Variants in FLNA observed in about 807,000 individuals in gnomAD.
The protein encoded by FLNA is filamin A.
In FLNA, 7 loss-of-function variants were observed where a neutral mutation model predicts 157.6. The observed-to-expected ratio is 0.04, with a 90% confidence interval of 0.03 to 0.08. FLNA has a LOEUF of 0.08. Ranked by LOEUF, FLNA falls within the 10% of genes least tolerant of loss-of-function variation. FLNA has a pLI of 1.00. For missense variants in FLNA, 1,750 were observed against 2,398.4 expected (o/e 0.73, Z 5.65); for synonymous variants, 1,103 against 1,060.8 (o/e 1.04, Z -0.77).
At chrX:154,356,974 G>A (rs1329092064) in intron 30 of FLNA, among the ~76,000 whole-genome samples, 2 of 111,827 alleles carry the variant, frequency 1.8e-5, no homozygotes, top group Non-Finnish European at 3.8e-5. Flanking sequence ...GTGCCTCTCA[G>A]GATGCACCTC....
chrX:154,365,474 C>T lies in FLNA; in HGVS notation c.1442G>A (p.Ser481Asn), dbSNP rs782324154. 1 of 1,210,143 alleles carries T rather than the reference C, an allele frequency of 8.3e-7. No homozygotes were observed. Among genetic ancestry groups the T allele is most frequent in the Non-Finnish European group, 1.1e-6 (1 of 895,178 alleles). The change falls in exon 10 of 48, where the codon AGT becomes AAT. Residue 481 changes from serine to asparagine, a missense_variant. Physicochemically the swap from Ser to Asn is conservative, Grantham distance 46. This residue lies in a region of FLNA where 648 missense variants were observed against 805.8 expected (regional missense o/e 0.80). Coordinates refer to ENST00000369850, the MANE Select transcript of FLNA (RefSeq NM_001110556.2). The stretch of plus-strand genomic sequence containing the variant: ...GCCCCGGCCAACCGCCCGGCAGGCA[C>T]TCGGGTTACAGGCTGCAGGCAGAGG... ...TVTVGQACNP[S>N]ACRAVGRGLQ...
chrX:154,366,085 C>T lies in FLNA; in HGVS notation c.1368G>A (p.Val456=), dbSNP rs1557179151. 2.5e-6 allele frequency: 3 copies of T among 1,210,554 alleles called. No homozygotes were observed. The highest frequency in any genetic ancestry group is 3.5e-5 in the South Asian group (2 of 57,052). Reference sequence around the variant, plus strand: ...TGGGCACGCCGGCAAACGTGACGTGCACGGTGTGGACGCCCTCCATGGTGG... The same window carrying T: ...TGGGCACGCCGGCAAACGTGACGTGTACGGTGTGGACGCCCTCCATGGTGG... The part of the protein sequence containing the change: ...YQPTMEGVHT[V]HVTFAGVPIP... Residue 456 remains valine (V), a synonymous_variant, in exon 9 of 48, where the codon GTG becomes GTA. Transcript: ENST00000369850.
At chrX:154,355,538 C>T (rs2067656314) in intron 30 of FLNA, among the ~76,000 whole-genome samples, 1 of 113,467 alleles carries the variant, frequency 8.8e-6, no homozygotes, top group Non-Finnish European at 1.9e-5. Context: ...TGACACTTGC[C>T]TCCCCACCCC....
Position 154,366,294 on chromosome X carries a change from CA to C in FLNA, c.1228+13del. On this transcript the variant is annotated intron_variant, in intron 8 of 47. Coordinates refer to ENST00000369850, the MANE Select transcript of FLNA (RefSeq NM_001110556.2). The stretch of plus-strand genomic sequence containing the variant: ...TCCCCACAGACCAGCTGGGCCTTGG[CA>C]GCCTCCCCTCACCTGCCGTAAAGAT... The C allele has an allele frequency of 8.3e-7, 1 of 1,211,559 alleles. No individual in the cohort carries two copies. Among genetic ancestry groups the C allele is most frequent in the Non-Finnish European group, 1.1e-6 (1 of 895,384 alleles).
chrX:154,361,048 A>AAAAAAAAAAAAAAAAAAAAAAAAAAAAAG (rs2067703319), intron 21 of FLNA, among the ~76,000 whole-genome samples: 1 of 30,376 alleles, frequency 3.3e-5, no homozygotes, highest in African/African-American at 1.8e-4. Flanking sequence ...CTCTTTCTCA[A>AAAAAAAAAAAAAAAAAAAAAAAAAAAAAG]AAAAAAAAAA....
chrX:154,362,019 T>C lies in FLNA; in HGVS notation c.2786A>G (p.His929Arg). The C allele has an allele frequency of 8.3e-7, 1 of 1,210,845 alleles. No homozygotes were observed. Among genetic ancestry groups the C allele is most frequent in the Non-Finnish European group, 1.1e-6 (1 of 895,031 alleles). Reference protein sequence around the residue: ...AVRDVDIIDHHDNTYTVKYTP... With the variant: ...AVRDVDIIDHRDNTYTVKYTP... ...GTACTTGACTGTGTAGGTGTTGTCA[T>C]GGTGGTCGATGATGTCCACATCTCG... The change falls in exon 19 of 48, where the codon CAT becomes CGT. Residue 929 changes from histidine to arginine, a missense_variant. By Grantham distance (29) the His-to-Arg change is conservative. This residue lies in a region of FLNA where 648 missense variants were observed against 805.8 expected (regional missense o/e 0.80). Coordinates refer to ENST00000369850, the MANE Select transcript of FLNA (RefSeq NM_001110556.2).
chrX:154,364,890 C>T lies in FLNA; in HGVS notation c.1759G>A (p.Glu587Lys), dbSNP rs1447594194. 8.3e-7 allele frequency: 1 copy of T among 1,210,153 alleles called. No homozygotes were observed. The highest frequency in any genetic ancestry group is 1.1e-6 in the Non-Finnish European group (1 of 895,251). ...GCTGACTTGCCAACGACGCCGCCCTCCAGCCCAGGGCCCCAGGCCCGTACC... is the reference window on the plus strand; with the variant it reads ...GCTGACTTGCCAACGACGCCGCCCTTCAGCCCAGGGCCCCAGGCCCGTACC... ...QKVRAWGPGL[E>K]GGVVGKSADF... is the part of the protein sequence containing the mutation. Residue 587 changes from glutamate (E) to lysine (K), a missense_variant, in exon 12 of 48, where the codon GAG (glutamate) becomes AAG (lysine). Coordinates refer to ENST00000369850, the MANE Select transcript of FLNA (RefSeq NM_001110556.2).
rs727503930 is a variant in FLNA at position 154,350,192 on chromosome X, C to T, written c.7172G>A (p.Arg2391His). 7.7e-5 allele frequency: 93 copies of T among 1,210,274 alleles called. No homozygotes were observed. Among genetic ancestry groups the T allele is most frequent in the Non-Finnish European group, 1.0e-4 (90 of 895,026 alleles). The change falls in exon 45 of 48, where the codon CGC becomes CAC. Residue 2391 changes from arginine (R) to histidine (H), a missense_variant. Coordinates refer to ENST00000369850, the MANE Select transcript of FLNA (RefSeq NM_001110556.2). ...TEIDQDKYAV[R>H]FIPRENGVYL... ...AACGCCATTCTCCCGAGGGATGAAG[C>T]GCACAGCATACTTATCTGAGGAGCA...
intron 15 of FLNA, among the ~76,000 whole-genome samples, chrX:154,363,691 C>A (rs957752114): frequency 2.1e-4 from 23 of 111,629 alleles, no homozygotes; most frequent in Non-Finnish European, 4.3e-4. Context: ...CCAGCCTGGG[C>A]GACAGTGTGA....
intron 1 of FLNA, among the ~76,000 whole-genome samples, chrX:154,371,573 G>C (rs934223960): frequency 5.3e-5 from 6 of 112,982 alleles, no homozygotes; most frequent in Non-Finnish European, 9.4e-5. Flanking sequence ...GGTGGGCAAG[G>C]ATGCTCCCAG....
In FLNA at chrX:154,366,314, T is replaced by C. The variant is rs782041563; in HGVS notation, c.1222A>G (p.Thr408Ala). Residue 408 changes from threonine (T) to alanine (A), a missense_variant, in exon 8 of 48, where the codon ACG becomes GCG. Physicochemically the swap from Thr to Ala is moderately conservative, Grantham distance 58. This residue lies in a region of FLNA where 648 missense variants were observed against 805.8 expected (regional missense o/e 0.80). Coordinates refer to ENST00000369850, the MANE Select transcript of FLNA (RefSeq NM_001110556.2). ...CTTGGCAGCCTCCCCTCACCTGCCG[T>C]AAAGATCTCAAAGTAGGTGGTCTTG... ...ANKTTYFEIF[T>A]AGAGTGEVEV... 1.2e-5 allele frequency: 14 copies of C among 1,210,744 alleles called. No homozygotes were observed. In the Admixed American group the frequency reaches 3.0e-4, roughly 26 times the overall value.
Position 154,364,528 on chromosome X carries a change from T to C in FLNA, c.2020A>G (p.Arg674Gly), listed in dbSNP as rs2067740244. ...RDAPQDFHPDRVKARGPGLEK... is the reference protein window; with the variant it reads ...RDAPQDFHPDGVKARGPGLEK... Reference sequence around the variant, plus strand: ...GGCCATCACAGCCTGCTCTTTACCCTGTCTGGGTGGAAGTCCTGGGGCGCG... The same window carrying C: ...GGCCATCACAGCCTGCTCTTTACCCCGTCTGGGTGGAAGTCCTGGGGCGCG... The change falls in exon 13 of 48, where the codon AGG becomes GGG. Residue 674 changes from arginine (R) to glycine (G), a missense_variant and splice_region_variant. This residue lies in a region of FLNA where 648 missense variants were observed against 805.8 expected (regional missense o/e 0.80). Transcript: ENST00000369850. The C allele has an allele frequency of 8.3e-7, 1 of 1,208,547 alleles. No individual in the cohort carries two copies. Among genetic ancestry groups the C allele is most frequent in the East Asian group, 3.0e-5 (1 of 33,777 alleles).
rs782535872 is a variant in FLNA at position 154,371,368 on chromosome X, A to T, written c.-116-7T>A. The T allele has an allele frequency of 1.6e-5, 14 of 888,573 alleles. No individual in the cohort carries two copies. The highest frequency in any genetic ancestry group is 2.1e-5 in the Non-Finnish European group (14 of 653,953). 73.2% of individuals were successfully genotyped at this position (888,573 alleles called of 1,213,427 possible). Reference sequence around the variant, plus strand: ...GCAGGGAGCAGAGGTTGCGCTGCGGAGAGAGCGAGCCCTTTAAATGCGGGA... The same window carrying T: ...GCAGGGAGCAGAGGTTGCGCTGCGGTGAGAGCGAGCCCTTTAAATGCGGGA... On this transcript the variant is annotated splice_region_variant and splice_polypyrimidine_tract_variant and intron_variant, in intron 1 of 47. Transcript: ENST00000369850.
rs1557175827 is a variant in FLNA at position 154,351,680 on chromosome X, T to A, written c.6924A>T (p.Ser2308=). The A allele has an allele frequency of 8.3e-7, 1 of 1,199,599 alleles. No homozygotes were observed. Among genetic ancestry groups the A allele is most frequent in the South Asian group, 1.8e-5 (1 of 56,716 alleles). ...VVQEPGDYEV[S]VKFNEEHIPD... is the part of the protein sequence containing the mutation. ...GAATGTGTTCCTCGTTGAACTTGAC[T>A]GAGACTTCGTAGTCACCTGGGCAGG... Residue 2308 remains serine (S), a synonymous_variant, in exon 43 of 48, where the codon TCA becomes TCT. Transcript: ENST00000369850.
Position 154,351,910 on chromosome X carries a change from C to T in FLNA, c.6881G>A (p.Gly2294Asp). ...TGGCTCCTGGACCACATAAGCCACA[C>T]CACAGGAGCCGTCCTTGCGGTCCTC... ...SFEDRKDGSC[G>D]VAYVVQEPGD... Residue 2294 changes from glycine to aspartate, a missense_variant, in exon 42 of 48, where the codon GGT becomes GAT. Physicochemically the swap from Gly to Asp is moderately conservative, Grantham distance 94. Transcript: ENST00000369850. 1.7e-6 allele frequency: 2 copies of T among 1,211,766 alleles called. No homozygotes were observed. Among genetic ancestry groups the T allele is most frequent in the South Asian group, 1.8e-5 (1 of 57,009 alleles).
In FLNA at chrX:154,371,276, C is replaced by T; in HGVS notation, c.-31G>A. 1 of 1,194,314 alleles carries T rather than the reference C, an allele frequency of 8.4e-7. No individual in the cohort carries two copies. Among genetic ancestry groups the T allele is most frequent in the East Asian group, 3.0e-5 (1 of 33,483 alleles). ...GGCGCGAGAAGCCGGGGGGGCGGTGCTGCAGCCTCGGCGAGGGGACGGCCC... is the reference window on the plus strand; with the variant it reads ...GGCGCGAGAAGCCGGGGGGGCGGTGTTGCAGCCTCGGCGAGGGGACGGCCC... On this transcript the variant is annotated 5_prime_UTR_variant, in exon 2 of 48. Transcript: ENST00000369850.
rs1569551442 is a variant in FLNA at position 154,351,713 on chromosome X, TG to T, written c.6908-18del. On this transcript the variant is annotated intron_variant, in intron 42 of 47. Transcript: ENST00000369850. ...CGTAGTCACCTGGGCAGGGAAAGAG[TG>T]TAAGACCGGCTCATCAGCCTTTGGG... 3.0e-5 allele frequency: 35 copies of T among 1,148,379 alleles called. No individual in the cohort carries two copies. The highest frequency in any genetic ancestry group is 4.2e-5 in the Non-Finnish European group (35 of 838,533). The allele number at this position is 1,148,379 out of a possible 1,213,427, so 94.6% of individuals were successfully genotyped here. A position where few individuals can be genotyped will look rare whatever the true frequency, so the allele number is the denominator to read the frequency against.
At chrX:154,349,083 C>G in intron 47 of FLNA, 47 bp from the exon 48 acceptor site, 1 of 1,110,652 alleles carries the variant, frequency 9.0e-7, no homozygotes, top group Non-Finnish European at 1.2e-6. Flanking sequence ...CCCCTTCCTC[C>G]CGCTGGTGTC....
In FLNA at chrX:154,354,857, C is replaced by T. The variant is rs2148107373; in HGVS notation, c.5185G>A (p.Glu1729Lys). Residue 1729 changes from glutamate to lysine, a missense_variant, in exon 31 of 48, where the codon GAG becomes AAG. By Grantham distance (56) the Glu-to-Lys change is moderately conservative. This residue lies in a region of FLNA where 970 missense variants were observed against 1,302.6 expected (regional missense o/e 0.74). Coordinates refer to ENST00000369850, the MANE Select transcript of FLNA (RefSeq NM_001110556.2). ...KYVICVRFGGEHVPNSPFQVT... is the reference protein window; with the variant it reads ...KYVICVRFGGKHVPNSPFQVT... ...TGGAAGGGGCTGTTGGGCACGTGCT[C>T]GCCACCAAAGCGCACACAGATGACG... 3 of 1,211,897 alleles carry T rather than the reference C, an allele frequency of 2.5e-6. No individual in the cohort carries two copies. The highest frequency in any genetic ancestry group is 1.8e-5 in the South Asian group (1 of 57,056).
Sources: allele counts gnomAD v4.1 joint callset (sites outside exome capture counted in the v4.1 genomes callset), GRCh38; gene constraint gnomAD v4.1.1; regional missense constraint gnomAD v4.1.1; transcripts MANE v1.5; gene names NCBI Gene and HGNC (gene_info 2026-07-23, HGNC 2026-07-21).